LARGE1: variants seen among roughly 807,000 people sequenced by gnomAD.
LARGE1 encodes the protein LARGE xylosyl- and glucuronyltransferase 1.
A neutral mutation model predicts 87.6 loss-of-function variants in LARGE1; 43 were observed. The observed-to-expected ratio is 0.49, with a 90% CI of 0.38 to 0.63. The LOEUF (loss-of-function observed/expected upper bound fraction) is 0.63, where lower values mean the gene tolerates loss of function less well. Ranked by LOEUF, LARGE1 falls within the 30% of genes least tolerant of loss-of-function variation. The pLI, the probability that LARGE1 is intolerant of heterozygous loss-of-function variation, is 0.00. For synonymous variants in LARGE1, 434 were observed against 394.6 expected (o/e 1.10, Z -1.18); for missense variants, 802 against 1,000.2 (o/e 0.80, Z 2.67).
rs1050162164 is a variant in LARGE1 at position 33,337,531 on chromosome 22, G to C, written c.1287+115C>G. 4.8e-6 allele frequency: 6 copies of C among 1,258,314 alleles called. No homozygotes were observed. The African/African-American group carries it at 7.3e-5, about 15-fold the overall frequency. The allele number at this position is 1,258,314 out of a possible 1,614,324, so 77.9% of individuals were successfully genotyped here. ...ATGGTGGACCCTGGGCACCGATGGC[G>C]TTGTGTTCACCTAGGTCCTGCCATG... On this transcript the variant is annotated intron_variant, in intron 10 of 14. Transcript: ENST00000397394.
chr22:33,103,363 G>A, the LARGE1 span, among the ~76,000 whole-genome samples: 1 of 138,584 alleles, frequency 7.2e-6, no homozygotes, highest in African/African-American at 2.7e-5. Flanking sequence ...AACCCGGTAG[G>A]CAGAGCTTGC....
At chr22:33,551,098 T>C (rs553175285) in intron 6 of LARGE1, among the ~76,000 whole-genome samples, 8 of 152,198 alleles carry the variant, frequency 5.3e-5, no homozygotes, top group Non-Finnish European at 1.0e-4. Flanking sequence ...GTGTATAATG[T>C]GCATTATTCG....
At chr22:33,806,297 C>T (rs5754682) in intron 1 of LARGE1, among the ~76,000 whole-genome samples, 137,575 of 152,238 alleles carry the variant, frequency 0.9, 62,258 homozygotes, top group East Asian at 0.97. Flanking sequence ...CATCAGATAC[C>T]GAAACCAAAA....
intron 2 of LARGE1, among the ~76,000 whole-genome samples, chr22:33,708,842 G>A (rs923542782): frequency 1.3e-5 from 2 of 152,056 alleles, no homozygotes; most frequent in African/African-American, 2.4e-5. Flanking sequence ...CTCGTGATCC[G>A]CCCGCCTTGG....
At chr22:33,713,706 C>T (rs79873256) in intron 2 of LARGE1, among the ~76,000 whole-genome samples, 2,369 of 152,116 alleles carry the variant, frequency 0.016, 59 homozygotes, top group African/African-American at 0.053. Flanking sequence ...TGTGTAATCA[C>T]AGCACCTTGG....
the LARGE1 span, among the ~76,000 whole-genome samples, chr22:33,074,606 C>T: frequency 0.12 from 18,358 of 150,712 alleles, 1,372 homozygotes; most frequent in African/African-American, 0.22. Flanking sequence ...ACCAGGGAGA[C>T]GGAGGATGCA....
chr22:33,372,298 T>G (rs2064839660), intron 9 of LARGE1, among the ~76,000 whole-genome samples: 1 of 152,160 alleles, frequency 6.6e-6, no homozygotes, highest in Non-Finnish European at 1.5e-5. Flanking sequence ...TCCTAGGTTT[T>G]CACTAGAAAT....
chr22:33,847,070 G>A (rs1601763866), intron 1 of LARGE1, among the ~76,000 whole-genome samples: 2 of 152,164 alleles, frequency 1.3e-5, no homozygotes, highest in East Asian at 3.9e-4. Context: ...TTTGCAGCTT[G>A]TGGGGAATCA....
At chr22:33,499,685 G>A (rs1289823222) in intron 6 of LARGE1, among the ~76,000 whole-genome samples, 1 of 152,208 alleles carries the variant, frequency 6.6e-6, no homozygotes, top group Non-Finnish European at 1.5e-5. Flanking sequence ...TTATAGGCAT[G>A]AGGAGTCCTA....
chr22:33,455,534 C>T (rs1219861449), intron 6 of LARGE1, among the ~76,000 whole-genome samples: 2 of 152,008 alleles, frequency 1.3e-5, no homozygotes, highest in East Asian at 3.9e-4. Context: ...AGGAGGATCA[C>T]CTGAGGTCAG....
intron 4 of LARGE1, among the ~76,000 whole-genome samples, chr22:33,623,833 C>A (rs932475239): frequency 1.3e-5 from 2 of 151,906 alleles, no homozygotes; most frequent in Non-Finnish European, 2.9e-5. Context: ...GAGTTTGGGA[C>A]CAGCTGGCCA....
rs144833970 is a variant in LARGE1 at position 33,901,145 on chromosome 22, G to A, written c.-83+18850C>T. Among the ~76,000 whole-genome samples the A allele has an allele frequency of 2.2e-3, 329 of 152,208 alleles. 3 individuals carry two copies. Among genetic ancestry groups the A allele is most frequent in the African/African-American group, 7.5e-3 (311 of 41,544 alleles). On this transcript the variant is annotated intron_variant, in intron 1 of 14. Coordinates refer to ENST00000397394, the MANE Select transcript of LARGE1 (RefSeq NM_133642.5). ...GAAGAAAATAGCTATGTGACTGGAG[G>A]GACATGTCTACCAGCCAGGGATCAC...
chr22:33,167,506 T>C (rs375781646), intron 11 of LARGE1, among the ~76,000 whole-genome samples: 2 of 152,232 alleles, frequency 1.3e-5, no homozygotes, highest in Non-Finnish European at 1.5e-5. Context: ...CATAAGACCC[T>C]ATTAGTTGCC....
intron 1 of LARGE1, among the ~76,000 whole-genome samples, chr22:33,865,373 T>A (rs989233723): frequency 6.6e-6 from 1 of 152,248 alleles, no homozygotes; most frequent in African/African-American, 2.4e-5. Context: ...CAGAACATCC[T>A]GGTAGGGAAT....
chr22:33,709,536 C>T (rs1034618828), intron 2 of LARGE1, among the ~76,000 whole-genome samples: 7 of 152,036 alleles, frequency 4.6e-5, no homozygotes, highest in Non-Finnish European at 1.0e-4. Flanking sequence ...GGCAGTAGCG[C>T]GCTTCCTTCA....
chr22:33,888,634 T>C (rs1276528951), intron 1 of LARGE1, among the ~76,000 whole-genome samples: 3 of 152,120 alleles, frequency 2.0e-5, no homozygotes, highest in Non-Finnish European at 2.9e-5. Context: ...GGTGGGAGGA[T>C]CACCTGAGAT....
At chr22:33,645,101 A>G (rs1288647409) in intron 3 of LARGE1, among the ~76,000 whole-genome samples, 2 of 152,214 alleles carry the variant, frequency 1.3e-5, no homozygotes, top group African/African-American at 4.8e-5. Flanking sequence ...TCTAGCCAAG[A>G]CAATCTTAAG....
intron 5 of LARGE1, among the ~76,000 whole-genome samples, chr22:33,586,818 T>C (rs753812061): frequency 5.3e-5 from 8 of 152,192 alleles, no homozygotes; most frequent in African/African-American, 9.7e-5. Context: ...TTCTCTTTCC[T>C]TCCCTCCCTC....
At chr22:33,509,681 G>A (rs2070958296) in intron 6 of LARGE1, among the ~76,000 whole-genome samples, 1 of 152,044 alleles carries the variant, frequency 6.6e-6, no homozygotes, top group Non-Finnish European at 1.5e-5. Flanking sequence ...CAAACTCCTG[G>A]CCTCAAGTGA....
Sources: allele counts gnomAD v4.1 joint callset (sites outside exome capture counted in the v4.1 genomes callset), GRCh38; gene constraint gnomAD v4.1.1; transcripts MANE v1.5; gene names NCBI Gene and HGNC (gene_info 2026-07-23, HGNC 2026-07-21).